The following DOCK4 variants were observed in gnomAD, a reference collection of about 807,000 sequenced individuals.
DOCK4 encodes dedicator of cytokinesis protein 4.
Under a neutral mutation model 268.1 loss-of-function variants are expected in DOCK4, and 97 were observed. That is an observed-to-expected ratio of 0.36 (90% CI 0.31 to 0.43). The LOEUF is 0.43. Ranked by LOEUF, DOCK4 falls within the 20% of genes least tolerant of loss-of-function variation. The pLI is 1.00. For missense variants in DOCK4, 2,145 were observed against 2,455.7 expected, an observed-to-expected ratio of 0.87 and a Z score of 2.67; for synonymous variants, 954 against 887.2, an observed-to-expected ratio of 1.08 and a Z score of -1.34.
intron 1 of DOCK4, among the ~76,000 whole-genome samples, chr7:112,087,531 G>C (rs1809208666): frequency 6.6e-6 from 1 of 151,828 alleles, no homozygotes; most frequent in South Asian, 2.1e-4. Flanking sequence ...CTGCAGCTCT[G>C]GAATGTACCC....
intron 1 of DOCK4, among the ~76,000 whole-genome samples, chr7:112,162,925 A>G (rs1375421518): frequency 6.6e-6 from 1 of 152,208 alleles, no homozygotes; most frequent in Non-Finnish European, 1.5e-5. Context: ...ATAGGCAGAC[A>G]CTTCTTTGTA....
At chr7:112,169,665 C>T (rs1247415823) in intron 1 of DOCK4, among the ~76,000 whole-genome samples, 1 of 152,170 alleles carries the variant, frequency 6.6e-6, no homozygotes, top group African/African-American at 2.4e-5. Context: ...TGTTCCACTC[C>T]ACCTTTCTCG....
chr7:111,933,930 G>A (rs991812038), intron 12 of DOCK4, among the ~76,000 whole-genome samples: 1 of 152,176 alleles, frequency 6.6e-6, no homozygotes, highest in East Asian at 1.9e-4. Context: ...TGTCTACAGT[G>A]GTTTTCTCTT....
chr7:112,118,203 C>T (rs1173031185), intron 1 of DOCK4, among the ~76,000 whole-genome samples: 2 of 151,430 alleles, frequency 1.3e-5, no homozygotes, highest in Non-Finnish European at 2.9e-5. Flanking sequence ...AAAAGAATAA[C>T]AACAGAACCA....
intron 37 of DOCK4, among the ~76,000 whole-genome samples, chr7:111,768,343 G>C (rs1470721756): frequency 6.6e-6 from 1 of 152,080 alleles, no homozygotes; most frequent in African/African-American, 2.4e-5. Context: ...ATTTCTTTTG[G>C]TATTCATGTA....
At chr7:112,016,687 C>T (rs1322852017) in intron 1 of DOCK4, among the ~76,000 whole-genome samples, 1 of 152,012 alleles carries the variant, frequency 6.6e-6, no homozygotes, top group African/African-American at 2.4e-5. Context: ...GAAGTGGATA[C>T]AATATACTTA....
chr7:111,974,598 G>T (rs548389334), intron 8 of DOCK4, among the ~76,000 whole-genome samples: 1 of 149,434 alleles, frequency 6.7e-6, no homozygotes, highest in African/African-American at 2.5e-5. Flanking sequence ...GGGGAGGAGG[G>T]TGACAAAAGG....
chr7:111,789,019 C>T, intron 31 of DOCK4: 1 of 480,728 alleles, frequency 2.1e-6, no homozygotes, highest in East Asian at 3.5e-5. Flanking sequence ...GCTTGCAGCC[C>T]AGTTTAAACG....
At chr7:112,128,940 A>T (rs892247768) in intron 1 of DOCK4, among the ~76,000 whole-genome samples, 9 of 152,244 alleles carry the variant, frequency 5.9e-5, no homozygotes, top group Non-Finnish European at 1.5e-5. Context: ...GATCCCTCTC[A>T]TATACTGCTG....
At chr7:112,136,582 G>C (rs1319444123) in intron 1 of DOCK4, among the ~76,000 whole-genome samples, 1 of 152,168 alleles carries the variant, frequency 6.6e-6, no homozygotes, top group Non-Finnish European at 1.5e-5. Context: ...TTAGGCGGAA[G>C]ACAAAAGACT....
At chr7:111,748,593 TAAAAATGACAACAGCA>T (rs1282504801) in intron 42 of DOCK4, among the ~76,000 whole-genome samples, 1 of 152,084 alleles carries the variant, frequency 6.6e-6, no homozygotes, top group Admixed American at 6.6e-5. Flanking sequence ...ACTGAAATGG[TAAAAATGACAACAGCA>T]GATGAGAGTG....
intron 1 of DOCK4, among the ~76,000 whole-genome samples, chr7:112,120,068 C>T (rs1255612881): frequency 1.3e-5 from 2 of 152,040 alleles, no homozygotes; most frequent in East Asian, 1.9e-4. Flanking sequence ...AGGATGGTCT[C>T]GATCTCCTGA....
intron 1 of DOCK4, among the ~76,000 whole-genome samples, chr7:112,113,734 A>ATTTTTTTTTTTTTTTTTTT (rs57672966): frequency 4.0e-5 from 2 of 49,548 alleles, no homozygotes; most frequent in Non-Finnish European, 7.4e-5. Context: ...TACTTGGCTG[A>ATTTTTTTTTTTTTTTTTTT]TTTTTTTTTT....
chr7:112,075,522 G>A (rs2135691448), intron 1 of DOCK4, among the ~76,000 whole-genome samples: 1 of 152,266 alleles, frequency 6.6e-6, no homozygotes, highest in South Asian at 2.1e-4. Flanking sequence ...TAACTTAGCA[G>A]GAAATTCAGA....
rs140883588 is a variant in DOCK4, at chr7:112,018,143, C to CAAAAAAAA, written c.38-14020_38-14013dup. 5.6e-3 allele frequency among the ~76,000 whole-genome samples: 116 copies of CAAAAAAAA among 20,640 alleles called. 40 individuals carry two copies. The highest frequency in any genetic ancestry group is 0.02 in the East Asian group (4 of 198). The allele number at this position is 20,640 out of a possible 152,430, so 13.5% of individuals were successfully genotyped here. On this transcript the variant is annotated intron_variant, in intron 1 of 52. Transcript: ENST00000428084. ...TGGGCAACACAGCAAGACTCCAGCT[C>CAAAAAAAA]AAAAAAAAAAAAAAAAAAAAAAAAA...
intron 13 of DOCK4, among the ~76,000 whole-genome samples, chr7:111,909,733 G>A (rs984868299): frequency 1.3e-5 from 2 of 152,280 alleles, no homozygotes; most frequent in Middle Eastern, 3.4e-3. Context: ...GCTGAGGCAG[G>A]AGAATCACTT....
chr7:111,964,635 G>C (rs1326016359), intron 8 of DOCK4, among the ~76,000 whole-genome samples: 3 of 138,458 alleles, frequency 2.2e-5, no homozygotes, highest in African/African-American at 8.7e-5. Context: ...CACTCTGCAG[G>C]ATATTATCAA....
intron 1 of DOCK4, among the ~76,000 whole-genome samples, chr7:112,010,206 T>A (rs887474007): frequency 1.3e-5 from 2 of 152,120 alleles, no homozygotes; most frequent in Non-Finnish European, 1.5e-5. Context: ...TCTACATATG[T>A]ACAAAACCCC....
intron 1 of DOCK4, among the ~76,000 whole-genome samples, chr7:112,066,711 A>G (rs188676809): frequency 0.096 from 7,657 of 79,896 alleles, 884 homozygotes; most frequent in East Asian, 0.38. Flanking sequence ...ATATATATAT[A>G]TATATATATA....
Sources: allele counts gnomAD v4.1 joint callset (sites outside exome capture counted in the v4.1 genomes callset), GRCh38; gene constraint gnomAD v4.1.1; transcripts MANE v1.5; gene names NCBI Gene and HGNC (gene_info 2026-07-23, HGNC 2026-07-21).